CYYR1: variants seen among roughly 807,000 people sequenced by gnomAD.
CYYR1 encodes cysteine and tyrosine-rich protein 1.
In CYYR1, 14 loss-of-function variants were observed where a neutral mutation model predicts 15.2. The observed-to-expected ratio is 0.92, with a 90% CI of 0.61 to 1.44. The LOEUF (loss-of-function observed/expected upper bound fraction) is 1.44, where lower values mean the gene tolerates loss of function less well. Among genes scored for constraint, CYYR1 ranks in the 40% most tolerant of loss-of-function variants. The pLI is 0.00. For missense variants in CYYR1, 228 were observed against 209.5 expected (o/e 1.09, Z -0.54); for synonymous variants, 80 against 77.4 (o/e 1.03, Z -0.18).
At chr21:26,546,238 T>G in intron 2 of CYYR1, among the ~76,000 whole-genome samples, 1 of 152,230 alleles carries the variant, frequency 6.6e-6, no homozygotes, top group Admixed American at 6.5e-5. Context: ...TTGAGAAAAC[T>G]TCTGTTAGAT....
intron 2 of CYYR1, chr21:26,552,094 A>G (rs1487049451): frequency 1.3e-5 from 2 of 152,348 alleles, no homozygotes; most frequent in Admixed American, 6.5e-5. Flanking sequence ...GAAGGCTCGG[A>G]TGATTTTTAG....
chr21:26,530,736 T>TGG (rs1165966162), intron 2 of CYYR1, among the ~76,000 whole-genome samples: 1 of 152,116 alleles, frequency 6.6e-6, no homozygotes, highest in East Asian at 1.9e-4. Flanking sequence ...TCTTGTGTTA[T>TGG]TTTGCTGAGA....
At position 26,536,097 on chromosome 21, in the gene CYYR1, G is replaced by GGA. The variant is rs756958818; in HGVS notation, c.176+30167_176+30168dup. On this transcript the variant is annotated intron_variant, in intron 2 of 3. Transcript: ENST00000652641. ...GCAAGCATGTCTTCACATGGCGGCA[G>GGA]GAGAGAGAGAGTGATGGGGGAGTTG... 2.0e-5 allele frequency among the ~76,000 whole-genome samples: 3 copies of GGA among 152,254 alleles called. No individual in the cohort carries two copies. In the South Asian group the frequency reaches 6.2e-4, roughly 32 times the overall value.
In CYYR1 at chr21:26,473,064, A is replaced by T. The variant is rs116555374; in HGVS notation, c.335-4430T>A. ...TCTTTTGCTATGTCTCCTTTACAGT[A>T]TATAAAATTCTAATATACCTGTTCT... On this transcript the variant is annotated intron_variant, in intron 3 of 3. Transcript: ENST00000652641. 4.7e-3 allele frequency among the ~76,000 whole-genome samples: 721 copies of T among 152,292 alleles called. 9 individuals are homozygous for T. Among genetic ancestry groups the T allele is most frequent in the African/African-American group, 0.017 (689 of 41,572 alleles).
intron 2 of CYYR1, among the ~76,000 whole-genome samples, chr21:26,554,693 G>C (rs1312115886): frequency 6.6e-6 from 1 of 152,128 alleles, no homozygotes; most frequent in Non-Finnish European, 1.5e-5. Context: ...ACACTCTGCA[G>C]CTCAGTCACA....
chr21:26,554,568 T>C (rs528287703), intron 2 of CYYR1, among the ~76,000 whole-genome samples: 1 of 152,158 alleles, frequency 6.6e-6, no homozygotes, highest in African/African-American at 2.4e-5. Context: ...CACATTTGAT[T>C]AAGGGCACCA....
At chr21:26,506,324 G>A (rs750508049) in intron 2 of CYYR1, among the ~76,000 whole-genome samples, 6 of 152,116 alleles carry the variant, frequency 3.9e-5, no homozygotes, top group South Asian at 2.1e-4. Context: ...GCATTGTGAC[G>A]TTCTTCTGAC....
chr21:26,522,208 T>C (rs970933361), intron 2 of CYYR1, among the ~76,000 whole-genome samples: 1 of 152,214 alleles, frequency 6.6e-6, no homozygotes, highest in Non-Finnish European at 1.5e-5. Flanking sequence ...ATTTACCATA[T>C]ATTTTTTAGA....
At position 26,545,493 on chromosome 21, in the gene CYYR1, T is replaced by G. The variant is rs75614221; in HGVS notation, c.176+20773A>C. On this transcript the variant is annotated intron_variant, in intron 2 of 3. Transcript: ENST00000652641. ...AAAGTTTAATTCCAAGGTGGCAAGGTTAATGAGTGATAGTACAGGCTTACG... is the reference window on the plus strand; with the variant it reads ...AAAGTTTAATTCCAAGGTGGCAAGGGTAATGAGTGATAGTACAGGCTTACG... 5.8e-3 allele frequency among the ~76,000 whole-genome samples: 881 copies of G among 152,064 alleles called. 3 individuals carry two copies. Among genetic ancestry groups the G allele is most frequent in the Middle Eastern group, 0.02 (6 of 294 alleles).
chr21:26,521,444 A>G (rs2065803300), intron 2 of CYYR1, among the ~76,000 whole-genome samples: 1 of 152,244 alleles, frequency 6.6e-6, no homozygotes, highest in Non-Finnish European at 1.5e-5. Flanking sequence ...TAGTTCTTAC[A>G]TTTTGTAAAT....
chr21:26,541,999 G>A (rs1273415688), intron 2 of CYYR1, among the ~76,000 whole-genome samples: 1 of 152,098 alleles, frequency 6.6e-6, no homozygotes, highest in Non-Finnish European at 1.5e-5. Context: ...GGGACAAACA[G>A]AAAAGATAAC....
intron 2 of CYYR1, among the ~76,000 whole-genome samples, chr21:26,500,324 C>T (rs1319706823): frequency 6.6e-6 from 1 of 152,154 alleles, no homozygotes; most frequent in African/African-American, 2.4e-5. Context: ...TTAAACTATC[C>T]ATGCATCAGA....
At chr21:26,505,110 C>G (rs1444312733) in intron 2 of CYYR1, among the ~76,000 whole-genome samples, 1 of 152,120 alleles carries the variant, frequency 6.6e-6, no homozygotes, top group Non-Finnish European at 1.5e-5. Context: ...GTTCTGTGAA[C>G]TAGAAAATTT....
rs1233212848 is a variant in CYYR1, at chr21:26,482,290, G to T, written c.177-1861C>A. The T allele has an allele frequency of 1.0e-5, 10 of 976,548 alleles. No individual in the cohort carries two copies. In the South Asian group the frequency reaches 1.4e-4, roughly 14 times the overall value. The allele number at this position is 976,548 out of a possible 1,614,324, so 60.5% of individuals were successfully genotyped here. On this transcript the variant is annotated intron_variant, in intron 2 of 3. Transcript: ENST00000652641. ...CTTACTATTTTTAAACAATTTCCATGAATTTTTATTTTTCCATATACATAT... is the reference window on the plus strand; with the variant it reads ...CTTACTATTTTTAAACAATTTCCATTAATTTTTATTTTTCCATATACATAT...
At chr21:26,521,441 T>C (rs2065803238) in intron 2 of CYYR1, among the ~76,000 whole-genome samples, 1 of 152,254 alleles carries the variant, frequency 6.6e-6, no homozygotes. Context: ...TCTTAGTTCT[T>C]ACATTTTGTA....
At chr21:26,522,366 G>A (rs1429799541) in intron 2 of CYYR1, among the ~76,000 whole-genome samples, 3 of 152,002 alleles carry the variant, frequency 2.0e-5, no homozygotes, top group Non-Finnish European at 4.4e-5. Flanking sequence ...ATCTGTAATG[G>A]CACTTCCCCT....
chr21:26,489,811 T>G (rs1305987879), intron 2 of CYYR1, among the ~76,000 whole-genome samples: 1 of 152,174 alleles, frequency 6.6e-6, no homozygotes, highest in Non-Finnish European at 1.5e-5. Context: ...GACTCAGTAG[T>G]ACTGAAACAG....
chr21:26,539,852 T>C (rs1274290501), intron 2 of CYYR1, among the ~76,000 whole-genome samples: 1 of 152,226 alleles, frequency 6.6e-6, no homozygotes, highest in Non-Finnish European at 1.5e-5. Flanking sequence ...GCATTCAACC[T>C]ATGTTATTTA....
chr21:26,503,013 A>G (rs1364829510), intron 2 of CYYR1, among the ~76,000 whole-genome samples: 4 of 152,174 alleles, frequency 2.6e-5, no homozygotes, highest in Non-Finnish European at 2.9e-5. Context: ...TTTTGGAGTT[A>G]GGTGGGACAA....
Sources: allele counts gnomAD v4.1 joint callset (sites outside exome capture counted in the v4.1 genomes callset), GRCh38; gene constraint gnomAD v4.1.1; transcripts MANE v1.5; gene names NCBI Gene and HGNC (gene_info 2026-07-23, HGNC 2026-07-21).